The following DPP10 variants were observed in gnomAD, a reference collection of about 807,000 sequenced individuals.
DPP10 encodes the protein dipeptidyl peptidase like 10.
DPP10 carries 33 observed loss-of-function variants against 120.9 expected under a neutral mutation model. The observed-to-expected ratio is 0.27, with a 90% CI of 0.21 to 0.37. DPP10 has a LOEUF of 0.37. Among genes scored for constraint, DPP10 ranks in the 10% least tolerant of loss-of-function variants. The pLI, the probability that DPP10 is intolerant of heterozygous loss-of-function variation, is 1.00. For missense variants in DPP10, 816 were observed against 942.8 expected (o/e 0.87, Z 1.76); for synonymous variants, 337 against 326.1 (o/e 1.03, Z -0.36).
chr2:115,330,793 T>A (rs78031425), intron 2 of DPP10, among the ~76,000 whole-genome samples: 59,165 of 151,886 alleles, frequency 0.39, 14,123 homozygotes, highest in Non-Finnish European at 0.53. Context: ...ATATCTCTGT[T>A]TTGGTACGAG....
intron 1 of DPP10, among the ~76,000 whole-genome samples, chr2:114,968,709 T>C (rs1285738186): frequency 2.0e-5 from 3 of 152,242 alleles, no homozygotes; most frequent in Admixed American, 6.5e-5. Flanking sequence ...TATAATACTT[T>C]CATTTTTCAT....
chr2:114,475,257 G>A (rs868538339), intron 1 of DPP10, among the ~76,000 whole-genome samples: 1 of 152,094 alleles, frequency 6.6e-6, no homozygotes, highest in African/African-American at 2.4e-5. Flanking sequence ...TGGCACAGAG[G>A]TTTTTATAAT....
At chr2:114,812,196 C>A (rs1221813634) in intron 1 of DPP10, among the ~76,000 whole-genome samples, 1 of 152,240 alleles carries the variant, frequency 6.6e-6, no homozygotes, top group Admixed American at 6.5e-5. Context: ...TTTGCAGGAA[C>A]CTATGGTCTC....
intron 1 of DPP10, among the ~76,000 whole-genome samples, chr2:114,790,480 G>A (rs767944112): frequency 2.6e-5 from 4 of 151,932 alleles, no homozygotes; most frequent in East Asian, 1.9e-4. Context: ...TTTCATGCGC[G>A]TCCGTGTGAA....
intron 1 of DPP10, among the ~76,000 whole-genome samples, chr2:115,221,542 A>G (rs1373632213): frequency 1.3e-5 from 2 of 152,134 alleles, no homozygotes; most frequent in Non-Finnish European, 2.9e-5. Context: ...CGCAAAGCCT[A>G]AAATATTTAC....
intron 3 of DPP10, among the ~76,000 whole-genome samples, chr2:115,449,447 C>A (rs1263721672): frequency 1.3e-5 from 2 of 151,916 alleles, no homozygotes; most frequent in Non-Finnish European, 2.9e-5. Flanking sequence ...AGTGGGGGGC[C>A]AATATAATGT....
At chr2:115,334,084 G>T (rs897375165) in intron 2 of DPP10, among the ~76,000 whole-genome samples, 2 of 151,582 alleles carry the variant, frequency 1.3e-5, no homozygotes, top group Non-Finnish European at 2.9e-5. Flanking sequence ...GATATTATCC[G>T]GGAGAACTTC....
chr2:115,560,440 A>G (rs1436352896), intron 5 of DPP10, among the ~76,000 whole-genome samples: 1 of 100,696 alleles, frequency 9.9e-6, no homozygotes, highest in Non-Finnish European at 1.9e-5. Context: ...ATATATATAT[A>G]TATATACGAC....
At chr2:114,822,233 A>G (rs2106361069) in intron 1 of DPP10, among the ~76,000 whole-genome samples, 1 of 152,206 alleles carries the variant, frequency 6.6e-6, no homozygotes, top group East Asian at 1.9e-4. Flanking sequence ...ACTTTGGTGC[A>G]CCCACAGGCT....
At chr2:114,614,085 T>C (rs1051505310) in intron 1 of DPP10, among the ~76,000 whole-genome samples, 7 of 152,242 alleles carry the variant, frequency 4.6e-5, no homozygotes, top group South Asian at 4.1e-4. Flanking sequence ...TGTGTACCTA[T>C]GTAAAAAACC....
intron 3 of DPP10, among the ~76,000 whole-genome samples, chr2:115,470,208 A>G (rs1278497969): frequency 3.3e-5 from 5 of 152,204 alleles, no homozygotes; most frequent in Admixed American, 2.6e-4. Context: ...TTTCCCTGTT[A>G]GTCCTCTTAC....
intron 1 of DPP10, among the ~76,000 whole-genome samples, chr2:114,801,435 G>A (rs1478231731): frequency 1.3e-5 from 2 of 152,140 alleles, no homozygotes; most frequent in East Asian, 1.9e-4. Context: ...GGGGTGTAAA[G>A]GGGAAAACAG....
chr2:115,493,513 G>C (rs976553471), intron 3 of DPP10, among the ~76,000 whole-genome samples: 4 of 120,902 alleles, frequency 3.3e-5, no homozygotes, highest in Non-Finnish European at 6.6e-5. Context: ...CTGAAGAGCT[G>C]TTGGAAAAAA....
At chr2:114,973,106 G>A (rs1699504867) in intron 1 of DPP10, among the ~76,000 whole-genome samples, 1 of 152,064 alleles carries the variant, frequency 6.6e-6, no homozygotes, top group Non-Finnish European at 1.5e-5. Context: ...GTATGACAGT[G>A]GTTGCATAAG....
At chr2:114,671,761 T>C (rs1363431677) in intron 1 of DPP10, among the ~76,000 whole-genome samples, 2 of 152,134 alleles carry the variant, frequency 1.3e-5, no homozygotes, top group Admixed American at 6.6e-5. Flanking sequence ...TACAGGTATT[T>C]TATCAGTTGT....
intron 1 of DPP10, among the ~76,000 whole-genome samples, chr2:114,973,178 G>A (rs1456097497): frequency 6.6e-6 from 1 of 152,022 alleles, no homozygotes; most frequent in Non-Finnish European, 1.5e-5. Flanking sequence ...TAATGTCATA[G>A]CACAATGAAT....
At chr2:114,659,447 G>C (rs1269315664) in intron 1 of DPP10, among the ~76,000 whole-genome samples, 2 of 152,042 alleles carry the variant, frequency 1.3e-5, no homozygotes, top group African/African-American at 2.4e-5. Context: ...ATTGGAGACA[G>C]AGCATTATTT....
At chr2:115,776,730 TTCA>T (rs1477978559) in intron 13 of DPP10, among the ~76,000 whole-genome samples, 1 of 152,112 alleles carries the variant, frequency 6.6e-6, no homozygotes, top group Non-Finnish European at 1.5e-5. Context: ...GCTAATTACC[TTCA>T]TCAACATGAA....
At chr2:114,658,974 G>A (rs547200989) in intron 1 of DPP10, among the ~76,000 whole-genome samples, 8 of 152,122 alleles carry the variant, frequency 5.3e-5, no homozygotes, top group Non-Finnish European at 1.2e-4. Flanking sequence ...TCGTGATGGT[G>A]AGTAAGTTCT....
Sources: allele counts gnomAD v4.1 joint callset (sites outside exome capture counted in the v4.1 genomes callset), GRCh38; gene constraint gnomAD v4.1.1; transcripts MANE v1.5; gene names NCBI Gene and HGNC (gene_info 2026-07-23, HGNC 2026-07-21).